BNC2: variants seen among roughly 807,000 people sequenced by gnomAD.
The protein encoded by BNC2 is zinc finger protein basonuclin-2.
Under a neutral mutation model 76.3 loss-of-function variants are expected in BNC2, and 20 were observed. The observed-to-expected ratio is 0.26, with a 90% confidence interval of 0.18 to 0.38. BNC2 has a LOEUF of 0.38. Ranked by LOEUF, BNC2 falls within the 10% of genes least tolerant of loss-of-function variation. BNC2 has a pLI of 1.00. For missense variants in BNC2, 1,382 were observed against 1,399.8 expected, an observed-to-expected ratio of 0.99 and a Z score of 0.20; for synonymous variants, 582 against 514.8, an observed-to-expected ratio of 1.13 and a Z score of -1.77.
At chr9:16,592,284 T>C (rs1819951723) in intron 3 of BNC2, among the ~76,000 whole-genome samples, 2 of 152,170 alleles carry the variant, frequency 1.3e-5, no homozygotes, top group African/African-American at 4.8e-5. Flanking sequence ...TATAAAACGC[T>C]ATCCCTCCAT....
At chr9:16,792,303 T>A (rs1223047587) in intron 1 of BNC2, among the ~76,000 whole-genome samples, 1 of 152,212 alleles carries the variant, frequency 6.6e-6, no homozygotes, top group Non-Finnish European at 1.5e-5. Flanking sequence ...ATGCAACCTG[T>A]AAGCAGTGAA....
chr9:16,836,899 G>A (rs1818720322), intron 1 of BNC2, among the ~76,000 whole-genome samples: 1 of 152,006 alleles, frequency 6.6e-6, no homozygotes. Flanking sequence ...GTGATAGCAG[G>A]CCACTTATAT....
chr9:16,528,902 T>C (rs535816146), intron 5 of BNC2, among the ~76,000 whole-genome samples: 1 of 152,200 alleles, frequency 6.6e-6, no homozygotes, highest in Non-Finnish European at 1.5e-5. Flanking sequence ...TAGTGGCTTA[T>C]AACAATGGAA....
intron 3 of BNC2, among the ~76,000 whole-genome samples, chr9:16,631,238 T>C (rs1261957513): frequency 6.6e-6 from 1 of 152,196 alleles, no homozygotes; most frequent in Non-Finnish European, 1.5e-5. Context: ...AACTTTTACA[T>C]AATTAATGAA....
intron 3 of BNC2, among the ~76,000 whole-genome samples, chr9:16,599,288 T>A (rs1315051422): frequency 6.6e-6 from 1 of 152,224 alleles, no homozygotes; most frequent in Admixed American, 6.5e-5. Flanking sequence ...AGTTAGGTCA[T>A]AACTTACATA....
intron 1 of BNC2, among the ~76,000 whole-genome samples, chr9:16,812,089 G>T (rs1818069327): frequency 6.6e-6 from 1 of 152,162 alleles, no homozygotes; most frequent in Non-Finnish European, 1.5e-5. Flanking sequence ...GGACTGGCAG[G>T]GAAGGAACCC....
chr9:16,741,139 G>A (rs1824837021), intron 1 of BNC2, among the ~76,000 whole-genome samples: 1 of 152,122 alleles, frequency 6.6e-6, no homozygotes, highest in Non-Finnish European at 1.5e-5. Context: ...GAATCGAGGA[G>A]TACTAGAAGG....
At chr9:16,795,594 T>G (rs1376137975) in intron 1 of BNC2, among the ~76,000 whole-genome samples, 1 of 152,050 alleles carries the variant, frequency 6.6e-6, no homozygotes, top group Non-Finnish European at 1.5e-5. Context: ...GGTGACACCA[T>G]TAACCAACAT....
At chr9:16,811,294 T>C (rs1173542814) in intron 1 of BNC2, among the ~76,000 whole-genome samples, 1 of 148,870 alleles carries the variant, frequency 6.7e-6, no homozygotes, top group Non-Finnish European at 1.5e-5. Context: ...CTCACGCCTG[T>C]AATCCCAGAA....
intron 1 of BNC2, among the ~76,000 whole-genome samples, chr9:16,806,744 G>A (rs542746827): frequency 1.1e-4 from 16 of 152,250 alleles, no homozygotes; most frequent in African/African-American, 3.9e-4. Flanking sequence ...TCTCCCTATG[G>A]GTTCAAAACA....
rs796814065 is a variant in BNC2 at position 16,722,338 on chromosome 9, C to T, written c.330+5459G>A. Among the ~76,000 whole-genome samples, 50 of 152,328 alleles carry T rather than the reference C, an allele frequency of 3.3e-4. 1 individual carries two copies. Among genetic ancestry groups the T allele is most frequent in the African/African-American group, 1.1e-3 (45 of 41,580 alleles). ...GATTTGCCGTGGCTCTTAACCCTGA[C>T]ATGGGAGTGGGAGGATGTGCTGCTG... On this transcript the variant is annotated intron_variant, in intron 3 of 6. Coordinates refer to ENST00000380672, the MANE Select transcript of BNC2 (RefSeq NM_017637.6).
rs781155581 is a variant in BNC2, at chr9:16,436,447, C to G, written c.1747G>C (p.Val583Leu). The change falls in exon 6 of 7, where the codon GTG (valine) becomes CTG (leucine). Residue 583 changes from valine (V) to leucine (L), a missense_variant. Coordinates refer to ENST00000380672, the MANE Select transcript of BNC2 (RefSeq NM_017637.6). ...YRSLLTPGEM[V>L]SPPTSLPTSP... ...GTTGGGAGGGAGGTTGGAGGACTCA[C>G]CATTTCCCCTGGAGTGAGTAAACTT... 1 of 1,614,012 alleles carries G rather than the reference C, an allele frequency of 6.2e-7. No individual in the cohort carries two copies. Among genetic ancestry groups the G allele is most frequent in the South Asian group, 1.1e-5 (1 of 91,062 alleles).
intron 5 of BNC2, among the ~76,000 whole-genome samples, chr9:16,540,826 C>A (rs1443635115): frequency 6.6e-6 from 1 of 152,112 alleles, no homozygotes; most frequent in Non-Finnish European, 1.5e-5. Context: ...GACACTAGCA[C>A]CTCATTGAAA....
rs559930240 is a variant in BNC2, at chr9:16,737,238, C to CTTTTTTTTTTTTTTTTT, written c.129+1105_129+1121dup. On this transcript the variant is annotated intron_variant, in intron 2 of 6. Transcript: ENST00000380672. Reference sequence around the variant, plus strand: ...TCCCACCTCAGCCACCACACCTGGCCTTTTTTTTTTTTTTTTTTTTTTTTC... The same window carrying CTTTTTTTTTTTTTTTTT: ...TCCCACCTCAGCCACCACACCTGGCCTTTTTTTTTTTTTTTTTTTTTTTTTTTTTTTTTTTTTTTTTC... Among the ~76,000 whole-genome samples, 10 of 91,302 alleles carry CTTTTTTTTTTTTTTTTT rather than the reference C, an allele frequency of 1.1e-4. 1 individual carries two copies. The highest frequency in any genetic ancestry group is 1.2e-4 in the Non-Finnish European group (6 of 51,010). 59.9% of individuals were successfully genotyped at this position (91,302 alleles called of 152,430 possible).
intron 3 of BNC2, among the ~76,000 whole-genome samples, chr9:16,696,925 G>T (rs529513224): frequency 2.0e-5 from 3 of 152,246 alleles, no homozygotes; most frequent in African/African-American, 7.2e-5. Flanking sequence ...TCACCCTGTT[G>T]ATCTGTGGTA....
intron 5 of BNC2, among the ~76,000 whole-genome samples, chr9:16,545,291 G>A (rs1563833076): frequency 6.6e-6 from 1 of 152,202 alleles, no homozygotes; most frequent in Non-Finnish European, 1.5e-5. Flanking sequence ...CAGGTTGGCA[G>A]TAGTCTGTAA....
intron 3 of BNC2, among the ~76,000 whole-genome samples, chr9:16,659,280 A>G (rs1389236531): frequency 6.6e-6 from 1 of 152,160 alleles, no homozygotes; most frequent in Non-Finnish European, 1.5e-5. Context: ...CTGCAATTTC[A>G]GGACCCCTGT....
intron 3 of BNC2, among the ~76,000 whole-genome samples, chr9:16,653,602 C>T (rs1372436437): frequency 2.0e-5 from 3 of 152,036 alleles, no homozygotes; most frequent in Non-Finnish European, 2.9e-5. Flanking sequence ...CAGAAGGAGC[C>T]GTTTCAGCAG....
intron 5 of BNC2, among the ~76,000 whole-genome samples, chr9:16,540,150 A>G (rs900950129): frequency 6.7e-6 from 1 of 149,308 alleles, no homozygotes; most frequent in Non-Finnish European, 1.5e-5. Context: ...GCAACTATTT[A>G]ACGTGATTTT....
Sources: gnomAD v4.1 joint callset for allele counts (sites outside exome capture counted in the v4.1 genomes callset) on GRCh38, gnomAD v4.1.1 for gene constraint, MANE v1.5 for transcripts, NCBI Gene and HGNC (gene_info 2026-07-23, HGNC 2026-07-21) for gene names.